Variants in OTOF observed in about 807,000 individuals in gnomAD.
OTOF encodes the protein fer-1-like family member 2.
Under a neutral mutation model 236.8 loss-of-function variants are expected in OTOF, and 218 were observed. The observed-to-expected ratio is 0.92, with a 90% CI of 0.82 to 1.03. The LOEUF (loss-of-function observed/expected upper bound fraction) is 1.03. Among genes scored for constraint, OTOF ranks in the 50% least tolerant of loss-of-function variants. The pLI is 0.00. For missense variants in OTOF, 2,590 were observed against 2,694.4 expected (o/e 0.96, Z 0.86); for synonymous variants, 1,041 against 1,072.5 (o/e 0.97, Z 0.57).
At chr2:26,541,101 C>A (rs1413095600) in intron 1 of OTOF, among the ~76,000 whole-genome samples, 1 of 152,158 alleles carries the variant, frequency 6.6e-6, no homozygotes, top group East Asian at 1.9e-4. Flanking sequence ...TTTAATAAGC[C>A]TCGGATATAG....
intron 2 of OTOF, 108 bp from the exon 3 acceptor site, chr2:26,528,028 C>T: frequency 7.6e-6 from 6 of 793,296 alleles, no homozygotes; most frequent in Non-Finnish European, 1.3e-5. Flanking sequence ...AGTGGCCCCT[C>T]ACTTGGGCCC....
intron 5 of OTOF, among the ~76,000 whole-genome samples, chr2:26,504,874 G>C (rs1281827075): frequency 6.6e-6 from 1 of 152,184 alleles, no homozygotes; most frequent in Non-Finnish European, 1.5e-5. Flanking sequence ...GGTCCAGGTG[G>C]AGCCAGGTGT....
Position 26,466,028 on chromosome 2 carries a change from T to C in OTOF, c.4549A>G (p.Ile1517Val), listed in dbSNP as rs142333327. ...ADINGKADPY[I>V]AIRLGKTDIR... ...TCAGTCTTGCCTAGCCGGATGGCGA[T>C]GTAGGGGTCAGCTTTGCCGTTGATG... Residue 1517 changes from isoleucine to valine, a missense_variant, in exon 37 of 47, where the codon ATC becomes GTC. Transcript: ENST00000272371. 46 of 1,614,236 alleles carry C rather than the reference T, an allele frequency of 2.8e-5. No homozygotes were observed. The highest frequency in any genetic ancestry group is 3.9e-5 in the Non-Finnish European group (46 of 1,180,034).
chr2:26,539,536 G>A (rs980157083), intron 1 of OTOF, among the ~76,000 whole-genome samples: 10 of 152,164 alleles, frequency 6.6e-5, no homozygotes, highest in African/African-American at 1.9e-4. Context: ...GGGAGTTCGA[G>A]ACCTGCTTGA....
chr2:26,463,910 G>A, intron 40 of OTOF, 54 bp downstream of exon 40: 2 of 1,610,690 alleles, frequency 1.2e-6, no homozygotes, highest in Non-Finnish European at 1.7e-6. Flanking sequence ...CTCAGGTTGG[G>A]GATCCCTGGT....
In OTOF at chr2:26,457,718, G is replaced by A; in HGVS notation, c.*520C>T. ...TCCTGTACTTGGAAGACCTGGGGAG[G>A]GTTTCAGGAGTCTTCCTCTGGAGCC... On this transcript the variant is annotated 3_prime_UTR_variant, in exon 47 of 47. Coordinates refer to ENST00000272371, the MANE Select transcript of OTOF (RefSeq NM_194248.3). The surrounding 1 kb of genome is among the most constrained non-coding windows in gnomAD (Gnocchi z 4.4). 2 of 362,608 alleles carry A rather than the reference G, an allele frequency of 5.5e-6. No homozygotes were observed. The highest frequency in any genetic ancestry group is 8.6e-5 in the Admixed American group (2 of 23,262). 22.5% of individuals were successfully genotyped at this position (362,608 alleles called of 1,614,324 possible).
chr2:26,506,482 C>A (rs1326676636), intron 5 of OTOF, among the ~76,000 whole-genome samples: 3 of 152,190 alleles, frequency 2.0e-5, no homozygotes, highest in Non-Finnish European at 4.4e-5. Flanking sequence ...CCTGGAGAAG[C>A]CGGCTGCCCG....
chr2:26,504,856 A>G (rs149336300), intron 5 of OTOF, among the ~76,000 whole-genome samples: 1 of 152,182 alleles, frequency 6.6e-6, no homozygotes, highest in African/African-American at 2.4e-5. Context: ...TGGCCCCATC[A>G]TCCTGTAGGT....
rs777166672 is a variant in OTOF at position 26,479,462 on chromosome 2, G to A, written c.2093+11C>T. ...GGGCCAGGCCACAGGAGGATGGGAG[G>A]CTGGGCCCACCTGTCGGTGACCTGG... On this transcript the variant is annotated intron_variant, in intron 17 of 46. Transcript: ENST00000272371. The A allele has an allele frequency of 1.2e-6, 2 of 1,603,034 alleles. No homozygotes were observed. The highest frequency in any genetic ancestry group is 1.7e-4 in the Middle Eastern group (1 of 6,042).
intron 2 of OTOF, among the ~76,000 whole-genome samples, chr2:26,530,270 G>A (rs933105754): frequency 6.6e-6 from 1 of 152,032 alleles, no homozygotes; most frequent in Non-Finnish European, 1.5e-5. Flanking sequence ...AAGGGACCTG[G>A]GGAGGGAGGC....
At chr2:26,475,631 T>C (rs1221883911) in intron 24 of OTOF, 138 bp from the exon 25 acceptor site, 3 of 1,060,480 alleles carry the variant, frequency 2.8e-6, no homozygotes, top group Admixed American at 2.1e-5. Flanking sequence ...TCCAGAAATC[T>C]TAAAATCAAG....
Position 26,537,465 on chromosome 2 carries a change from C to T in OTOF, c.138+251G>A, listed in dbSNP as rs73923714. Among the ~76,000 whole-genome samples, 1,031 of 152,322 alleles carry T rather than the reference C, an allele frequency of 6.8e-3. 10 individuals carry two copies. The highest frequency in any genetic ancestry group is 0.023 in the African/African-American group (968 of 41,574). ...GACCCAGCAGGGCCGTCGAGGTGGG[C>T]GAGGCTGCTGTTCCCCGTGTCATTT... is the stretch of plus-strand genomic sequence containing the variant. On this transcript the variant is annotated intron_variant, in intron 2 of 46. Transcript: ENST00000272371.
chr2:26,460,011 G>A lies in OTOF; in HGVS notation c.*14C>T. ...GAAGAAGTAAGAAATATCAGACCCA[G>A]GAGGCCACTGGGCTCAGGCCCCGAG... is the stretch of plus-strand genomic sequence containing the variant. On this transcript the variant is annotated 3_prime_UTR_variant, in exon 46 of 47. Coordinates refer to ENST00000272371, the MANE Select transcript of OTOF (RefSeq NM_194248.3). This position sits in a 1 kb window ranked among gnomAD's most constrained non-coding sequence, Gnocchi z 5.3. The A allele has an allele frequency of 1.3e-6, 2 of 1,561,370 alleles. No individual in the cohort carries two copies. The highest frequency in any genetic ancestry group is 8.7e-7 in the Non-Finnish European group (1 of 1,152,880).
intron 6 of OTOF, 104 bp downstream of exon 6, chr2:26,503,668 G>T (rs1666175522): frequency 5.1e-6 from 5 of 979,274 alleles, no homozygotes; most frequent in South Asian, 2.6e-5. Flanking sequence ...GCCCTGGGAC[G>T]ACCTATCCCA....
intron 5 of OTOF, chr2:26,510,814 T>C: frequency 1.8e-6 from 2 of 1,112,344 alleles, no homozygotes; most frequent in Admixed American, 2.3e-5. Flanking sequence ...CCAGAGACAC[T>C]GGCCTCAGCC....
At chr2:26,546,058 A>G (rs940224703) in intron 1 of OTOF, among the ~76,000 whole-genome samples, 3 of 152,232 alleles carry the variant, frequency 2.0e-5, no homozygotes, top group Admixed American at 6.5e-5. Context: ...CAGAAGCCTT[A>G]ATGATAACAT....
In OTOF at chr2:26,464,072, C is replaced by A. The variant is rs111033371; in HGVS notation, c.4995G>T (p.Leu1665=). ...QRKPTDEHVA[L]LALRHWEDIP... ...TGTCCTCCCAGTGCCTCAGGGCCAA[C>A]AGCGCCACATGCTCGTCTGTGGGCT... The change falls in exon 40 of 47, where the codon CTG becomes CTT. Residue 1665 remains leucine, a synonymous_variant. Transcript: ENST00000272371. The A allele has an allele frequency of 3.1e-6, 5 of 1,613,552 alleles. No homozygotes were observed. The highest frequency in any genetic ancestry group is 4.2e-6 in the Non-Finnish European group (5 of 1,180,008).
intron 9 of OTOF, among the ~76,000 whole-genome samples, chr2:26,492,046 C>A (rs1002997316): frequency 2.0e-5 from 3 of 152,072 alleles, no homozygotes; most frequent in African/African-American, 4.8e-5. Context: ...ATTCCCACGA[C>A]GAGGAGGATG....
At chr2:26,540,074 C>G (rs1667174225) in intron 1 of OTOF, among the ~76,000 whole-genome samples, 1 of 152,168 alleles carries the variant, frequency 6.6e-6, no homozygotes, top group African/African-American at 2.4e-5. Context: ...GTTGGGATTA[C>G]AGGCATGCGC....
Sources: allele counts gnomAD v4.1 joint callset (sites outside exome capture counted in the v4.1 genomes callset), GRCh38; gene constraint gnomAD v4.1.1; non-coding constraint Gnocchi (gnomAD v3.1); transcripts MANE v1.5; gene names NCBI Gene and HGNC (gene_info 2026-07-23, HGNC 2026-07-21).